The following ABLIM3 variants were observed in gnomAD, a reference collection of about 807,000 sequenced individuals.
ABLIM3 encodes actin binding LIM protein family member 3.
ABLIM3 carries 61 observed loss-of-function variants against 109.5 expected under a neutral mutation model. The observed-to-expected ratio is 0.56, with a 90% CI of 0.45 to 0.69. The LOEUF (loss-of-function observed/expected upper bound fraction) is 0.69. Ranked by LOEUF, ABLIM3 falls within the 30% of genes least tolerant of loss-of-function variation. ABLIM3 has a pLI of 0.00. For synonymous variants in ABLIM3, 300 were observed against 324.8 expected, an observed-to-expected ratio of 0.92 and a Z score of 0.82; for missense variants, 796 against 889.5, an observed-to-expected ratio of 0.89 and a Z score of 1.34.
At chr5:149,184,950 G>C (rs975613061) in intron 3 of ABLIM3, among the ~76,000 whole-genome samples, 2 of 152,130 alleles carry the variant, frequency 1.3e-5, no homozygotes, top group African/African-American at 4.8e-5. Flanking sequence ...TTTATATTGA[G>C]TATTGGCAAA....
chr5:149,214,809 T>C (rs1759891879), intron 7 of ABLIM3, among the ~76,000 whole-genome samples: 1 of 152,212 alleles, frequency 6.6e-6, no homozygotes, highest in South Asian at 2.1e-4. Context: ...TCCCTGTCTG[T>C]TTCCTCACCA....
At chr5:149,235,798 C>T (rs1173728712) in intron 10 of ABLIM3, among the ~76,000 whole-genome samples, 1 of 152,124 alleles carries the variant, frequency 6.6e-6, no homozygotes, top group Non-Finnish European at 1.5e-5. Flanking sequence ...AATCAGGTGG[C>T]CTACCTCAAA....
At chr5:149,221,858 A>G (rs1433064018) in intron 8 of ABLIM3, among the ~76,000 whole-genome samples, 3 of 152,142 alleles carry the variant, frequency 2.0e-5, no homozygotes. Flanking sequence ...TACCCAGGAA[A>G]AGGGAGAAAA....
At chr5:149,178,868 T>G (rs1756209764) in intron 2 of ABLIM3, among the ~76,000 whole-genome samples, 1 of 152,154 alleles carries the variant, frequency 6.6e-6, no homozygotes. Flanking sequence ...GATCACTTTG[T>G]TCAACCTCTT....
intron 6 of ABLIM3, among the ~76,000 whole-genome samples, chr5:149,210,006 G>C (rs986295726): frequency 6.6e-6 from 1 of 152,174 alleles, no homozygotes; most frequent in Admixed American, 6.5e-5. Context: ...GTTCAGACTT[G>C]GTCATTAGAG....
chr5:149,258,748 C>T lies in ABLIM3; in HGVS notation c.*344C>T. On this transcript the variant is annotated 3_prime_UTR_variant, in exon 24 of 24. Coordinates refer to ENST00000309868, the MANE Select transcript of ABLIM3 (RefSeq NM_014945.5). ...GTCTCTCTTCTCTCTGCTTCGTGGCCCCTTTCTTAAATTTCTAGGGCTGAT... is the reference window on the plus strand; with the variant it reads ...GTCTCTCTTCTCTCTGCTTCGTGGCTCCTTTCTTAAATTTCTAGGGCTGAT... 1 of 1,005,586 alleles carries T rather than the reference C, an allele frequency of 9.9e-7. No individual in the cohort carries two copies. Among genetic ancestry groups the T allele is most frequent in the Non-Finnish European group, 1.2e-6 (1 of 843,708 alleles). 62.3% of individuals were successfully genotyped at this position (1,005,586 alleles called of 1,614,324 possible).
At chr5:149,144,705 A>ATGCTCAG (rs1482621124) in intron 2 of ABLIM3, among the ~76,000 whole-genome samples, 1 of 152,210 alleles carries the variant, frequency 6.6e-6, no homozygotes, top group Non-Finnish European at 1.5e-5. Context: ...GTTGTAGTTA[A>ATGCTCAG]TGCTCAGTGG....
rs117553058 is a variant in ABLIM3, at chr5:149,226,236, C to T, written c.758-4413C>T. On this transcript the variant is annotated intron_variant, in intron 8 of 23. Coordinates refer to ENST00000309868, the MANE Select transcript of ABLIM3 (RefSeq NM_014945.5). ...GCGCAGTGGCTCACACCTGTAATCCCAGCAGTTTGAAGACTGAGGAGGGTG... is the reference window on the plus strand; with the variant it reads ...GCGCAGTGGCTCACACCTGTAATCCTAGCAGTTTGAAGACTGAGGAGGGTG... Among the ~76,000 whole-genome samples, 47 of 151,838 alleles carry T rather than the reference C, an allele frequency of 3.1e-4. No individual in the cohort carries two copies. The East Asian group carries it at 7.9e-3, about 26-fold the overall frequency.
chr5:149,174,020 T>TCAA (rs1434441799), intron 2 of ABLIM3, among the ~76,000 whole-genome samples: 6 of 60,726 alleles, frequency 9.9e-5, no homozygotes, highest in Non-Finnish European at 1.1e-4. Context: ...AGACTCCGTC[T>TCAA]CAAAAAAAAA....
intron 13 of ABLIM3, chr5:149,240,362 G>A (rs1752684985): frequency 2.3e-6 from 1 of 433,356 alleles, no homozygotes; most frequent in African/African-American, 2.0e-5. Flanking sequence ...CCAAAAGGGG[G>A]AGGTTCAAGG....
chr5:149,252,895 T>C, intron 23 of ABLIM3, 58 bp downstream of exon 23: 1 of 1,387,548 alleles, frequency 7.2e-7, no homozygotes, highest in Non-Finnish European at 1.0e-6. Flanking sequence ...AGAAGTTGCT[T>C]GGTATAATCC....
intron 9 of ABLIM3, among the ~76,000 whole-genome samples, chr5:149,232,770 A>G (rs955965386): frequency 2.0e-5 from 3 of 151,948 alleles, no homozygotes; most frequent in African/African-American, 7.3e-5. Flanking sequence ...TTTTTTTTTT[A>G]AGTTTATCAC....
chr5:149,201,162 C>T (rs1425220574), intron 5 of ABLIM3, among the ~76,000 whole-genome samples: 1 of 151,852 alleles, frequency 6.6e-6, no homozygotes, highest in African/African-American at 2.4e-5. Context: ...ATGTCCATCC[C>T]ACTCAAGTGT....
At chr5:149,252,112 T>C in intron 21 of ABLIM3, 89 bp from the exon 22 acceptor site, 1 of 1,491,302 alleles carries the variant, frequency 6.7e-7, no homozygotes. Flanking sequence ...CCAGACCCCC[T>C]GAGAGAGTAG....
intron 3 of ABLIM3, among the ~76,000 whole-genome samples, chr5:149,196,898 C>A (rs551097018): frequency 2.0e-5 from 3 of 152,264 alleles, no homozygotes; most frequent in Admixed American, 2.0e-4. Context: ...TGTTGAAACA[C>A]CTATAAATCT....
chr5:149,245,772 A>T (rs754428962), intron 16 of ABLIM3, among the ~76,000 whole-genome samples: 1 of 152,104 alleles, frequency 6.6e-6, no homozygotes, highest in Non-Finnish European at 1.5e-5. Flanking sequence ...CCTTTCAAGT[A>T]TGGGGGGAAA....
intron 23 of ABLIM3, among the ~76,000 whole-genome samples, chr5:149,256,168 G>A (rs1004845721): frequency 6.6e-6 from 1 of 152,176 alleles, no homozygotes; most frequent in Non-Finnish European, 1.5e-5. Flanking sequence ...AGAAGCCCTG[G>A]TCTCCTTCCA....
chr5:149,224,557 C>A (rs1377893040), intron 8 of ABLIM3, among the ~76,000 whole-genome samples: 2 of 152,178 alleles, frequency 1.3e-5, no homozygotes, highest in Admixed American at 1.3e-4. Flanking sequence ...ACCTGCATAG[C>A]CAGCCTGCCA....
chr5:149,217,286 G>A, intron 8 of ABLIM3: 1 of 548,102 alleles, frequency 1.8e-6, no homozygotes, highest in East Asian at 3.2e-5. Context: ...CCGCTGCCCA[G>A]CTGGACTGCT....
Sources: allele counts gnomAD v4.1 joint callset (sites outside exome capture counted in the v4.1 genomes callset), GRCh38; gene constraint gnomAD v4.1.1; transcripts MANE v1.5; gene names NCBI Gene and HGNC (gene_info 2026-07-23, HGNC 2026-07-21).